The following RBFOX3 variants were observed in gnomAD, a reference collection of about 807,000 sequenced individuals.
RBFOX3 encodes RNA binding protein fox-1 homolog 3.
Under a neutral mutation model 48.7 loss-of-function variants are expected in RBFOX3, and 17 were observed. The ratio of observed to expected loss-of-function variants is 0.35; its 90% CI spans 0.24 to 0.52. The LOEUF (loss-of-function observed/expected upper bound fraction) is 0.52, where lower values mean the gene tolerates loss of function less well. RBFOX3 is among the 20% of genes least tolerant of loss of function. RBFOX3 has a pLI of 0.94. For synonymous variants in RBFOX3, 212 were observed against 209.5 expected, an observed-to-expected ratio of 1.01 and a Z score of -0.10; for missense variants, 382 against 497.5, an observed-to-expected ratio of 0.77 and a Z score of 2.21.
At chr17:79,544,910 C>G (rs938418064) in intron 1 of RBFOX3, among the ~76,000 whole-genome samples, 4 of 137,898 alleles carry the variant, frequency 2.9e-5, no homozygotes. Context: ...CCCAAAGCAG[C>G]AAGGGATAAA....
Position 79,261,072 on chromosome 17 carries a change from T to G in RBFOX3, c.-73-25267A>C, listed in dbSNP as rs375501878. Among the ~76,000 whole-genome samples, 9 of 152,260 alleles carry G rather than the reference T, an allele frequency of 5.9e-5. No individual in the cohort carries two copies. The East Asian group carries it at 9.7e-4, about 16-fold the overall frequency. On this transcript the variant is annotated intron_variant, in intron 3 of 14. Coordinates refer to ENST00000693108, the MANE Select transcript of RBFOX3 (RefSeq NM_001350451.2). ...CCTTCGATCTTTGCCCAGATCCTTT[T>G]TCTCACCTCAGTAAAGTCAAAGCCT...
Position 79,449,016 on chromosome 17 carries a change from C to T in RBFOX3, c.-175+33438G>A, listed in dbSNP as rs541179967. On this transcript the variant is annotated intron_variant, in intron 2 of 14. Transcript: ENST00000693108. Reference sequence around the variant, plus strand: ...CCTGTGGACCCTCACGTCTGCCTGCCTCGGCCACTGGGTTGGAGCTGCTTT... The same window carrying T: ...CCTGTGGACCCTCACGTCTGCCTGCTTCGGCCACTGGGTTGGAGCTGCTTT... Among the ~76,000 whole-genome samples, 51 of 152,200 alleles carry T rather than the reference C, an allele frequency of 3.4e-4. 1 individual carries two copies. The highest frequency in any genetic ancestry group is 1.1e-3 in the African/African-American group (47 of 41,518).
chr17:79,658,965 C>T, the RBFOX3 span, among the ~76,000 whole-genome samples: 2 of 152,168 alleles, frequency 1.3e-5, no homozygotes, highest in Non-Finnish European at 2.9e-5. Context: ...CATAGGTTTG[C>T]GGAAAGGTTT....
intron 2 of RBFOX3, among the ~76,000 whole-genome samples, chr17:79,330,678 C>T (rs1008166944): frequency 3.3e-5 from 5 of 152,138 alleles, no homozygotes; most frequent in South Asian, 2.1e-4. Flanking sequence ...TCCAGCCCCA[C>T]GGCCACCATG....
chr17:79,618,504 G>C, the RBFOX3 span, among the ~76,000 whole-genome samples: 2 of 152,212 alleles, frequency 1.3e-5, no homozygotes, highest in Non-Finnish European at 2.9e-5. Flanking sequence ...GGGGGAAGGA[G>C]GGCCGTGCTC....
intron 3 of RBFOX3, chr17:79,298,232 A>G (rs1228755283): frequency 1.3e-5 from 2 of 152,240 alleles, no homozygotes; most frequent in Admixed American, 1.3e-4. Flanking sequence ...ATTAAACACC[A>G]AATAAGTGCC....
intron 6 of RBFOX3, among the ~76,000 whole-genome samples, chr17:79,105,850 T>A (rs1022582611): frequency 1.3e-5 from 2 of 152,046 alleles, no homozygotes; most frequent in Non-Finnish European, 1.5e-5. Flanking sequence ...TGGTCCTCTG[T>A]GGCCAGGGCA....
rs989571352 is a variant in RBFOX3, at chr17:79,391,000, C to A, written c.-174-83176G>T. On this transcript the variant is annotated intron_variant, in intron 2 of 14. Transcript: ENST00000693108. The surrounding 1 kb of genome is among the most constrained non-coding windows in gnomAD (Gnocchi z 4.2). The stretch of plus-strand genomic sequence containing the variant: ...CTTCTCCACAGCCCCCTGATTCCCA[C>A]AGATCCTTCCCTGGAAGGCTTTCTC... 3.9e-5 allele frequency among the ~76,000 whole-genome samples: 6 copies of A among 152,234 alleles called. No homozygotes were observed. The highest frequency in any genetic ancestry group is 1.4e-4 in the African/African-American group (6 of 41,460).
intron 2 of RBFOX3, among the ~76,000 whole-genome samples, chr17:79,313,982 C>A (rs1243828544): frequency 3.3e-5 from 5 of 152,194 alleles, no homozygotes; most frequent in African/African-American, 1.2e-4. Flanking sequence ...CTGGGAGGGT[C>A]CTGCAAACTG....
At chr17:79,457,759 G>A (rs568207367) in intron 2 of RBFOX3, among the ~76,000 whole-genome samples, 39 of 152,250 alleles carry the variant, frequency 2.6e-4, no homozygotes, top group Non-Finnish European at 4.6e-4. Context: ...CTCAGGCAGC[G>A]AGTCCAGTGT....
intron 2 of RBFOX3, among the ~76,000 whole-genome samples, chr17:79,377,702 C>T (rs1396252470): frequency 6.6e-6 from 1 of 152,142 alleles, no homozygotes; most frequent in Non-Finnish European, 1.5e-5. Context: ...CTTGGGACAC[C>T]GCTTGGGGTC....
chr17:79,534,568 C>T (rs868978795), intron 1 of RBFOX3, among the ~76,000 whole-genome samples: 7 of 152,178 alleles, frequency 4.6e-5, no homozygotes, highest in East Asian at 1.9e-4. Context: ...AGTCCAGGCT[C>T]GGAACCAGCC....
chr17:79,131,485 G>A (rs1230869691), intron 4 of RBFOX3, among the ~76,000 whole-genome samples: 1 of 152,124 alleles, frequency 6.6e-6, no homozygotes, highest in Non-Finnish European at 1.5e-5. Flanking sequence ...ACCACCACCC[G>A]CAGGAGCCTC....
chr17:79,211,370 C>T (rs1367739520), intron 4 of RBFOX3, among the ~76,000 whole-genome samples: 5 of 152,224 alleles, frequency 3.3e-5, no homozygotes, highest in Non-Finnish European at 5.9e-5. Context: ...ATGAGCAGGA[C>T]GTTCCAGATC....
rs143839157 is a variant in RBFOX3 at position 79,167,157 on chromosome 17, C to G, written c.-33-51409G>C. Among the ~76,000 whole-genome samples, 122 of 152,324 alleles carry G rather than the reference C, an allele frequency of 8.0e-4. 3 individuals carry two copies. In the East Asian group the frequency reaches 0.022, roughly 28 times the overall value. On this transcript the variant is annotated intron_variant, in intron 4 of 14. Transcript: ENST00000693108. ...TGTGAAATGGGAAGATCGATCATAT[C>G]CTGGGGCTGCTGGAGGCTCAAGTCA...
intron 1 of RBFOX3, among the ~76,000 whole-genome samples, chr17:79,596,940 T>C (rs937148306): frequency 4.5e-4 from 69 of 152,316 alleles, no homozygotes; most frequent in South Asian, 1.9e-3. Context: ...TGTTCCGTGT[T>C]GATAGAAGGA....
intron 1 of RBFOX3, among the ~76,000 whole-genome samples, chr17:79,550,110 C>G (rs1555793162): frequency 6.6e-6 from 1 of 152,180 alleles, no homozygotes; most frequent in South Asian, 2.1e-4. Flanking sequence ...CAGCCAGGGC[C>G]CTGTCAGGCC....
intron 2 of RBFOX3, among the ~76,000 whole-genome samples, chr17:79,453,441 G>C (rs1186530947): frequency 2.6e-5 from 4 of 152,194 alleles, no homozygotes; most frequent in South Asian, 2.1e-4. Context: ...TGGTCACAGA[G>C]GGACAGGCCT....
At chr17:79,375,081 T>C (rs1290779769) in intron 2 of RBFOX3, among the ~76,000 whole-genome samples, 1 of 152,060 alleles carries the variant, frequency 6.6e-6, no homozygotes, top group African/African-American at 2.4e-5. Context: ...GCACACCAGG[T>C]CCCTGCCATT....
Sources: allele counts gnomAD v4.1 joint callset (sites outside exome capture counted in the v4.1 genomes callset), GRCh38; gene constraint gnomAD v4.1.1; non-coding constraint Gnocchi (gnomAD v3.1); transcripts MANE v1.5; gene names NCBI Gene and HGNC (gene_info 2026-07-23, HGNC 2026-07-21).